The following CSMD1 variants were observed in gnomAD, a reference collection of about 807,000 sequenced individuals.
CSMD1 encodes CUB and sushi domain-containing protein 1.
Under a neutral mutation model 417.5 loss-of-function variants are expected in CSMD1, and 213 were observed. That is an observed-to-expected ratio of 0.51 (90% CI 0.46 to 0.57). CSMD1 has a LOEUF of 0.57. CSMD1 is among the 20% of genes least tolerant of loss of function. The pLI is 0.00. For synonymous variants in CSMD1, 2,862 were observed against 1,736.8 expected (o/e 1.65, Z -16.11); for missense variants, 6,923 against 4,529.7 (o/e 1.53, Z -15.17).
intron 54 of CSMD1, among the ~76,000 whole-genome samples, chr8:2,986,276 C>T (rs115024743): frequency 9.9e-5 from 15 of 152,280 alleles, no homozygotes; most frequent in African/African-American, 3.6e-4. Flanking sequence ...TTATCTAGAG[C>T]TCTCAAAAAC....
intron 50 of CSMD1, among the ~76,000 whole-genome samples, chr8:3,033,563 C>G (rs757827669): frequency 6.6e-6 from 1 of 151,896 alleles, no homozygotes; most frequent in Non-Finnish European, 1.5e-5. Context: ...AACACATGGA[C>G]ACAGGGAGGG....
intron 1 of CSMD1, among the ~76,000 whole-genome samples, chr8:4,735,566 C>T (rs1278614155): frequency 6.6e-6 from 1 of 152,188 alleles, no homozygotes; most frequent in South Asian, 2.1e-4. Flanking sequence ...TAGAAGCCCA[C>T]ATACAGCTAA....
chr8:3,422,918 G>A (rs1030093124), intron 12 of CSMD1, among the ~76,000 whole-genome samples: 1 of 152,222 alleles, frequency 6.6e-6, no homozygotes, highest in South Asian at 2.1e-4. Context: ...CATGGCAGAA[G>A]GAAAAGGGCA....
intron 5 of CSMD1, among the ~76,000 whole-genome samples, chr8:3,804,974 G>T (rs1013509709): frequency 1.3e-5 from 2 of 152,142 alleles, no homozygotes; most frequent in Non-Finnish European, 2.9e-5. Context: ...AGAAGCAATT[G>T]TTCGTTCCAC....
intron 5 of CSMD1, among the ~76,000 whole-genome samples, chr8:3,917,442 C>T (rs1808907549): frequency 1.3e-5 from 2 of 151,996 alleles, no homozygotes. Context: ...CACACACACG[C>T]TCATGCGCGC....
intron 26 of CSMD1, among the ~76,000 whole-genome samples, chr8:3,239,898 C>T (rs563019450): frequency 5.3e-4 from 80 of 151,936 alleles, no homozygotes; most frequent in African/African-American, 1.9e-3. Context: ...GATTGAAGTC[C>T]GGGCCAGGAA....
intron 2 of CSMD1, among the ~76,000 whole-genome samples, chr8:4,496,788 G>A (rs977191644): frequency 1.3e-5 from 2 of 152,138 alleles, no homozygotes; most frequent in African/African-American, 2.4e-5. Flanking sequence ...CCTTAGAGCT[G>A]AGACATCCTG....
At chr8:4,964,108 AG>A (rs1195785948) in intron 1 of CSMD1, among the ~76,000 whole-genome samples, 2 of 152,056 alleles carry the variant, frequency 1.3e-5, no homozygotes, top group Non-Finnish European at 2.9e-5. Flanking sequence ...TACTTTCTCA[AG>A]TGGCACTATC....
intron 23 of CSMD1, among the ~76,000 whole-genome samples, chr8:3,329,636 C>T (rs1806767133): frequency 6.6e-6 from 1 of 152,164 alleles, no homozygotes; most frequent in Admixed American, 6.5e-5. Flanking sequence ...CAGGCTACTA[C>T]AAAGGTCTGC....
At chr8:3,821,234 A>C (rs1425529435) in intron 5 of CSMD1, among the ~76,000 whole-genome samples, 1 of 152,132 alleles carries the variant, frequency 6.6e-6, no homozygotes, top group Non-Finnish European at 1.5e-5. Context: ...TAACTTTTTT[A>C]AAAGTAGAAT....
chr8:3,513,487 C>T (rs1041941330), intron 10 of CSMD1, among the ~76,000 whole-genome samples: 7 of 151,918 alleles, frequency 4.6e-5, no homozygotes, highest in Non-Finnish European at 8.8e-5. Flanking sequence ...TGGGATCTCA[C>T]CTTGTGATCG....
intron 6 of CSMD1, among the ~76,000 whole-genome samples, chr8:3,753,511 G>A (rs757763019): frequency 3.3e-5 from 5 of 152,176 alleles, no homozygotes; most frequent in African/African-American, 4.8e-5. Flanking sequence ...CATTTATGTG[G>A]TGTGAAGACC....
chr8:4,327,643 AAAC>A (rs1287211296), intron 3 of CSMD1, among the ~76,000 whole-genome samples: 1 of 152,090 alleles, frequency 6.6e-6, no homozygotes, highest in Non-Finnish European at 1.5e-5. Context: ...CAACAACAAA[AAAC>A]AACAAAAAGC....
chr8:3,781,490 G>A (rs962945387), intron 5 of CSMD1, among the ~76,000 whole-genome samples: 1 of 134,206 alleles, frequency 7.5e-6, no homozygotes, highest in Non-Finnish European at 1.5e-5. Context: ...TGCACCACGT[G>A]GTGCCCCTGA....
chr8:4,743,565 G>A (rs988405974), intron 1 of CSMD1, among the ~76,000 whole-genome samples: 2 of 152,174 alleles, frequency 1.3e-5, no homozygotes, highest in Non-Finnish European at 2.9e-5. Flanking sequence ...TAACCACAGA[G>A]AGTGGCTATC....
chr8:3,763,569 C>G (rs1032792022), intron 5 of CSMD1, among the ~76,000 whole-genome samples: 1 of 152,128 alleles, frequency 6.6e-6, no homozygotes, highest in Non-Finnish European at 1.5e-5. Flanking sequence ...CAGGTGCTAG[C>G]CCCGTTTGGT....
Position 4,969,707 on chromosome 8 carries a change from C to A in CSMD1, c.85+24625G>T, listed in dbSNP as rs184763287. On this transcript the variant is annotated intron_variant, in intron 1 of 69. Transcript: ENST00000635120. ...TGGGGACTTGGAGGGAAGATTCCTGCGGCTGGCTTTCTCTTCCACACTATT... is the reference window on the plus strand; with the variant it reads ...TGGGGACTTGGAGGGAAGATTCCTGAGGCTGGCTTTCTCTTCCACACTATT... 3.9e-5 allele frequency among the ~76,000 whole-genome samples: 6 copies of A among 152,086 alleles called. No individual in the cohort carries two copies. The East Asian group carries it at 9.7e-4, about 25-fold the overall frequency.
intron 1 of CSMD1, among the ~76,000 whole-genome samples, chr8:4,765,008 ATTTC>A (rs1218067614): frequency 2.0e-5 from 3 of 151,556 alleles, no homozygotes; most frequent in Non-Finnish European, 4.4e-5. Flanking sequence ...TGGAATGGCT[ATTTC>A]TTGTTTAATT....
At chr8:4,223,549 C>A (rs974648584) in intron 3 of CSMD1, among the ~76,000 whole-genome samples, 1 of 152,230 alleles carries the variant, frequency 6.6e-6, no homozygotes, top group Non-Finnish European at 1.5e-5. Flanking sequence ...ACCAGGAGAG[C>A]TGGCCTGCAA....
Sources: gnomAD v4.1 joint callset for allele counts (sites outside exome capture counted in the v4.1 genomes callset) on GRCh38, gnomAD v4.1.1 for gene constraint, MANE v1.5 for transcripts, NCBI Gene and HGNC (gene_info 2026-07-23, HGNC 2026-07-21) for gene names.